Variants in HDAC9 observed in about 807,000 individuals in gnomAD.
The protein encoded by HDAC9 is histone deacetylase 9, also known as MEF-2 interacting transcription repressor (MITR) protein.
A neutral mutation model predicts 139.4 loss-of-function variants in HDAC9; 41 were observed. That is an observed-to-expected ratio of 0.29 (90% CI 0.23 to 0.38). The LOEUF is 0.38. Ranked by LOEUF, HDAC9 falls within the 10% of genes least tolerant of loss-of-function variation. HDAC9 has a pLI of 1.00. For missense variants in HDAC9, 1,147 were observed against 1,297.0 expected, an observed-to-expected ratio of 0.88 and a Z score of 1.78; for synonymous variants, 517 against 476.2, an observed-to-expected ratio of 1.09 and a Z score of -1.12.
At chr7:18,293,500 C>A (rs1797952151) in intron 1 of HDAC9, among the ~76,000 whole-genome samples, 1 of 152,050 alleles carries the variant, frequency 6.6e-6, no homozygotes, top group Admixed American at 6.6e-5. Flanking sequence ...ACACACCGGG[C>A]ATTCTTAGAT....
chr7:18,995,943 C>G (rs1385589627), intron 25 of HDAC9, 80 bp from the exon 26 acceptor site: 1 of 1,030,054 alleles, frequency 9.7e-7, no homozygotes, highest in African/African-American at 1.6e-5. Context: ...GCTGAAAAAT[C>G]AGCTTTGATT....
chr7:18,458,738 C>A (rs1278599253), intron 1 of HDAC9: 1 of 720,758 alleles, frequency 1.4e-6, no homozygotes, highest in Non-Finnish European at 2.4e-6. Context: ...GACCTCTACT[C>A]AGAGTAGTAA....
intron 24 of HDAC9, among the ~76,000 whole-genome samples, chr7:18,954,949 T>G (rs968298171): frequency 1.3e-5 from 2 of 152,042 alleles, no homozygotes; most frequent in Admixed American, 6.6e-5. Flanking sequence ...AGTAGCAATT[T>G]GGAGATATGG....
rs554047001 is a variant in HDAC9 at position 18,399,176 on chromosome 7, T to C, written c.-41-97086T>C. On this transcript the variant is annotated intron_variant, in intron 1 of 3. Coordinates refer to the HDAC9 transcript ENST00000413509. ...AATAATTTCCTCTCCTTTGGACTTG[T>C]TCATGAAGCTGAAAAATGACTCTGC... Among the ~76,000 whole-genome samples the C allele has an allele frequency of 1.8e-4, 28 of 152,266 alleles. No individual in the cohort carries two copies. The South Asian group carries it at 4.6e-3, about 25-fold the overall frequency.
At chr7:18,463,711 C>T (rs1328569203) in intron 1 of HDAC9, among the ~76,000 whole-genome samples, 1 of 151,174 alleles carries the variant, frequency 6.6e-6, no homozygotes, top group Non-Finnish European at 1.5e-5. Context: ...TTTTGTTTTC[C>T]TTTATATATT....
chr7:18,608,605 G>A (rs913598093), intron 6 of HDAC9, among the ~76,000 whole-genome samples: 19 of 152,022 alleles, frequency 1.2e-4, no homozygotes, highest in African/African-American at 4.3e-4. Flanking sequence ...ATAAAAGCTG[G>A]TAATTTTGTC....
intron 2 of HDAC9, among the ~76,000 whole-genome samples, chr7:18,231,283 T>C (rs1048241861): frequency 6.6e-6 from 1 of 152,204 alleles, no homozygotes; most frequent in Non-Finnish European, 1.5e-5. Context: ...AGGGCTGCCA[T>C]GTTCAGTTGT....
Position 19,001,811 on chromosome 7 carries a change from A to T in HDAC9, c.*5749A>T, listed in dbSNP as rs2129358610. ...CCATTTTGTAGGTTACAGCCTCAGC[A>T]ATCTGTGTCATTTGAAAGCAAATAT... On this transcript the variant is annotated 3_prime_UTR_variant, in exon 26 of 26. Transcript: ENST00000686413. The T allele has an allele frequency of 6.6e-6, 1 of 152,228 alleles. No individual in the cohort carries two copies. The allele number at this position is 152,228 out of a possible 1,614,324, so 9.4% of individuals were successfully genotyped here.
intron 17 of HDAC9, among the ~76,000 whole-genome samples, chr7:18,819,418 A>G (rs572104586): frequency 3.9e-5 from 6 of 152,226 alleles, no homozygotes; most frequent in Non-Finnish European, 8.8e-5. Flanking sequence ...ACAAAAATAA[A>G]TCTGACATTT....
intron 2 of HDAC9, among the ~76,000 whole-genome samples, chr7:18,177,998 C>T (rs919318320): frequency 3.9e-5 from 6 of 152,060 alleles, no homozygotes; most frequent in East Asian, 1.9e-4. Flanking sequence ...TGTTGACTTT[C>T]GGTTCTTTTC....
At chr7:18,214,959 G>A (rs1032315882) in intron 2 of HDAC9, among the ~76,000 whole-genome samples, 5 of 152,042 alleles carry the variant, frequency 3.3e-5, no homozygotes, top group African/African-American at 1.2e-4. Flanking sequence ...CTATAAAATG[G>A]TACTTCTTGA....
At chr7:18,272,553 A>G (rs1796420574) in intron 2 of HDAC9, among the ~76,000 whole-genome samples, 1 of 152,170 alleles carries the variant, frequency 6.6e-6, no homozygotes, top group South Asian at 2.1e-4. Context: ...ATGCAATGGA[A>G]GCTGTCTCTA....
intron 12 of HDAC9, among the ~76,000 whole-genome samples, chr7:18,675,579 C>A (rs940031705): frequency 2.6e-5 from 4 of 151,956 alleles, no homozygotes; most frequent in African/African-American, 9.7e-5. Context: ...TAGGAGCTGA[C>A]CTTACACTCA....
chr7:18,582,967 CAAT>C lies in HDAC9; in HGVS notation c.23-2313_23-2311del, dbSNP rs139801816. Among the ~76,000 whole-genome samples the C allele has an allele frequency of 2.5e-3, 385 of 152,190 alleles. 2 individuals are homozygous for C. Among genetic ancestry groups the C allele is most frequent in the African/African-American group, 8.7e-3 (362 of 41,520 alleles). ...CGTGGGTCATATATATGATAATAATCAATGATGCTCTATTTTGATTCATAATTT... is the reference window on the plus strand; with the variant it reads ...CGTGGGTCATATATATGATAATAATCGATGCTCTATTTTGATTCATAATTT... On this transcript the variant is annotated intron_variant, in intron 2 of 25. Coordinates refer to ENST00000686413, the MANE Select transcript of HDAC9 (RefSeq NM_178425.4).
At position 18,913,893 on chromosome 7, in the gene HDAC9, A is replaced by G. The variant is rs546488146; in HGVS notation, c.2804-21916A>G. Among the ~76,000 whole-genome samples the G allele has an allele frequency of 9.2e-5, 14 of 152,174 alleles. No individual in the cohort carries two copies. In the East Asian group the frequency reaches 2.7e-3, roughly 30 times the overall value. On this transcript the variant is annotated intron_variant, in intron 22 of 25. Coordinates refer to ENST00000686413, the MANE Select transcript of HDAC9 (RefSeq NM_178425.4). ...TAGTAATTTGCAGGTAAATATTTAAAAAGTAGCTCTTAAAAAACAAAAACA... is the reference window on the plus strand; with the variant it reads ...TAGTAATTTGCAGGTAAATATTTAAGAAGTAGCTCTTAAAAAACAAAAACA...
intron 2 of HDAC9, among the ~76,000 whole-genome samples, chr7:18,536,395 T>C (rs538601143): frequency 9.2e-5 from 14 of 152,290 alleles, no homozygotes; most frequent in Non-Finnish European, 4.4e-5. Context: ...TGTAACTTAA[T>C]TTGGAAGAGC....
chr7:18,987,625 T>C (rs1251251910), intron 25 of HDAC9, among the ~76,000 whole-genome samples: 1 of 152,210 alleles, frequency 6.6e-6, no homozygotes, highest in Non-Finnish European at 1.5e-5. Flanking sequence ...TTGATTGGCA[T>C]AGTTTCAGAA....
At chr7:18,857,374 T>C (rs1797771147) in intron 21 of HDAC9, among the ~76,000 whole-genome samples, 1 of 151,884 alleles carries the variant, frequency 6.6e-6, no homozygotes, top group Non-Finnish European at 1.5e-5. Flanking sequence ...TATGTATGTA[T>C]GTACTAGTTC....
chr7:18,675,902 C>T (rs1408388277), intron 12 of HDAC9, among the ~76,000 whole-genome samples: 1 of 151,994 alleles, frequency 6.6e-6, no homozygotes, highest in Admixed American at 6.6e-5. Flanking sequence ...CTCTCACCTC[C>T]CATAAAAAGA....
Sources: allele counts gnomAD v4.1 joint callset (sites outside exome capture counted in the v4.1 genomes callset), GRCh38; gene constraint gnomAD v4.1.1; transcripts MANE v1.5; gene names NCBI Gene and HGNC (gene_info 2026-07-23, HGNC 2026-07-21).